The following POC1A variants were observed in gnomAD, a reference collection of about 807,000 sequenced individuals.
POC1A encodes POC1 centriolar protein homolog A.
Under a neutral mutation model 47.8 loss-of-function variants are expected in POC1A, and 34 were observed. The observed-to-expected ratio is 0.71, with a 90% CI of 0.54 to 0.95. The LOEUF (loss-of-function observed/expected upper bound fraction) is 0.95, where lower values mean the gene tolerates loss of function less well. POC1A is among the 40% of genes least tolerant of loss of function. POC1A has a pLI of 0.00. For synonymous variants in POC1A, 177 were observed against 207.6 expected, an observed-to-expected ratio of 0.85 and a Z score of 1.27; for missense variants, 466 against 528.3, an observed-to-expected ratio of 0.88 and a Z score of 1.16.
chr3:52,097,687 A>AT (rs1224727631), intron 9 of POC1A, among the ~76,000 whole-genome samples: 3 of 152,338 alleles, frequency 2.0e-5, no homozygotes, highest in Admixed American at 6.5e-5. Context: ...TTTCAAGGGC[A>AT]TGCTGATTTG....
At chr3:52,121,811 T>C (rs1239664603) in intron 9 of POC1A, among the ~76,000 whole-genome samples, 5 of 152,276 alleles carry the variant, frequency 3.3e-5, no homozygotes, top group African/African-American at 9.6e-5. Flanking sequence ...GTATCAGTTA[T>C]CAATTTTTTT....
intron 10 of POC1A, among the ~76,000 whole-genome samples, chr3:52,081,986 A>G (rs1169574156): frequency 1.3e-5 from 2 of 152,054 alleles, no homozygotes; most frequent in African/African-American, 4.8e-5. Context: ...CAAGACAAGG[A>G]CTGGCCCTGC....
At chr3:52,080,868 G>A (rs1322902076) in intron 10 of POC1A, among the ~76,000 whole-genome samples, 1 of 152,220 alleles carries the variant, frequency 6.6e-6, no homozygotes. Context: ...GGAGTGACAG[G>A]AAGCCGGATT....
intron 10 of POC1A, among the ~76,000 whole-genome samples, chr3:52,089,052 G>A (rs530895686): frequency 1.7e-4 from 26 of 151,788 alleles, no homozygotes; most frequent in South Asian, 8.4e-4. Context: ...AACCACAGAC[G>A]GGATAAAAGA....
intron 10 of POC1A, among the ~76,000 whole-genome samples, chr3:52,086,694 C>T (rs2106942569): frequency 6.6e-6 from 1 of 152,358 alleles, no homozygotes; most frequent in Middle Eastern, 3.4e-3. Flanking sequence ...TCACACCACC[C>T]AAGGCTCTGC....
chr3:52,142,954 G>C (rs757120466), intron 6 of POC1A, among the ~76,000 whole-genome samples: 6 of 152,090 alleles, frequency 3.9e-5, no homozygotes, highest in Non-Finnish European at 8.8e-5. Context: ...CCCTACCCAG[G>C]GAGCTCAGAT....
intron 9 of POC1A, among the ~76,000 whole-genome samples, chr3:52,100,421 T>G (rs754110822): frequency 6.6e-6 from 1 of 152,174 alleles, no homozygotes; most frequent in Non-Finnish European, 1.5e-5. Flanking sequence ...AATTCCTTCC[T>G]AACAAGAAAA....
intron 10 of POC1A, among the ~76,000 whole-genome samples, chr3:52,082,661 G>A (rs973820319): frequency 1.3e-5 from 2 of 152,096 alleles, no homozygotes; most frequent in African/African-American, 2.4e-5. Context: ...CGTGTAAAAC[G>A]TTTTATGTAA....
At chr3:52,118,283 C>T (rs919015041) in intron 9 of POC1A, among the ~76,000 whole-genome samples, 4 of 152,282 alleles carry the variant, frequency 2.6e-5, no homozygotes, top group Admixed American at 2.6e-4. Flanking sequence ...GAAGGTTCCC[C>T]AGCCACAAGC....
At position 52,122,481 on chromosome 3, in the gene POC1A, C is replaced by A; in HGVS notation, c.883-4G>T. Reference sequence around the variant, plus strand: ...AGTTACTCTTCCAAACCATCACCTGCCAAAACCAACAGGCACACCAAGTCA... The same window carrying A: ...AGTTACTCTTCCAAACCATCACCTGACAAAACCAACAGGCACACCAAGTCA... On this transcript the variant is annotated splice_region_variant and splice_polypyrimidine_tract_variant and intron_variant, in intron 8 of 10. Coordinates refer to ENST00000296484, the MANE Select transcript of POC1A (RefSeq NM_015426.5). 1 of 1,572,732 alleles carries A rather than the reference C, an allele frequency of 6.4e-7. No homozygotes were observed. Among genetic ancestry groups the A allele is most frequent in the East Asian group, 2.2e-5 (1 of 44,682 alleles).
At chr3:52,147,945 A>T (rs1467267844) in intron 4 of POC1A, among the ~76,000 whole-genome samples, 1 of 152,036 alleles carries the variant, frequency 6.6e-6, no homozygotes, top group East Asian at 1.9e-4. Flanking sequence ...GGAAAACCAA[A>T]CATAAATAAA....
chr3:52,152,750 T>C (rs1698598342), intron 1 of POC1A, among the ~76,000 whole-genome samples: 2 of 152,154 alleles, frequency 1.3e-5, no homozygotes, highest in South Asian at 4.1e-4. Flanking sequence ...AACAAGTGAT[T>C]GAACCCAAAT....
At chr3:52,153,210 C>T (rs976065994) in intron 1 of POC1A, among the ~76,000 whole-genome samples, 3 of 152,166 alleles carry the variant, frequency 2.0e-5, no homozygotes, top group African/African-American at 4.8e-5. Flanking sequence ...GAGAATACTC[C>T]GGAGACTCTC....
intron 7 of POC1A, among the ~76,000 whole-genome samples, chr3:52,137,339 T>G: frequency 6.6e-6 from 1 of 152,100 alleles, no homozygotes; most frequent in Non-Finnish European, 1.5e-5. Context: ...GCTAGACACC[T>G]CAGACTTAGC....
At chr3:52,100,390 T>C (rs538410419) in intron 9 of POC1A, among the ~76,000 whole-genome samples, 1 of 152,300 alleles carries the variant, frequency 6.6e-6, no homozygotes, top group East Asian at 1.9e-4. Context: ...GCCTAGGATA[T>C]ATAAAGCTGG....
At chr3:52,153,138 T>C (rs545827404) in intron 1 of POC1A, among the ~76,000 whole-genome samples, 1 of 152,344 alleles carries the variant, frequency 6.6e-6, no homozygotes, top group Non-Finnish European at 1.5e-5. Flanking sequence ...ACTACTGAAA[T>C]GTACACTTTA....
At chr3:52,081,939 G>A (rs1303783128) in intron 10 of POC1A, among the ~76,000 whole-genome samples, 1 of 152,104 alleles carries the variant, frequency 6.6e-6, no homozygotes, top group African/African-American at 2.4e-5. Flanking sequence ...CGAGTTAGAT[G>A]GGGGTCTGAG....
At chr3:52,085,378 C>A (rs988242127) in intron 10 of POC1A, among the ~76,000 whole-genome samples, 20 of 152,358 alleles carry the variant, frequency 1.3e-4, no homozygotes, top group African/African-American at 4.8e-4. Flanking sequence ...ACTCCTGGGA[C>A]ACCCTTCACC....
intron 7 of POC1A, among the ~76,000 whole-genome samples, chr3:52,129,227 C>T (rs1704122619): frequency 2.0e-5 from 3 of 152,022 alleles, no homozygotes; most frequent in Non-Finnish European, 4.4e-5. Context: ...TGCAGTGAGC[C>T]GAGATCATGT....
Sources: gnomAD v4.1 joint callset for allele counts (sites outside exome capture counted in the v4.1 genomes callset) on GRCh38, gnomAD v4.1.1 for gene constraint, MANE v1.5 for transcripts, NCBI Gene and HGNC (gene_info 2026-07-23, HGNC 2026-07-21) for gene names.